The following TNNI3K variants were observed in gnomAD, a reference collection of about 807,000 sequenced individuals.
TNNI3K encodes TNNI3 interacting kinase.
In TNNI3K, 140 loss-of-function variants were observed where a neutral mutation model predicts 114.5. That is an observed-to-expected ratio of 1.22 (90% CI 1.07 to 1.41). TNNI3K has a LOEUF of 1.41. Among genes scored for constraint, TNNI3K ranks in the 40% most tolerant of loss-of-function variants. The probability of loss-of-function intolerance (pLI) is 0.00; values close to 1 mark genes in which losing one functional copy is unlikely to be tolerated. For synonymous variants in TNNI3K, 347 were observed against 347.5 expected, an observed-to-expected ratio of 1.00 and a Z score of 0.02; for missense variants, 1,125 against 1,007.6, an observed-to-expected ratio of 1.12 and a Z score of -1.58.
In TNNI3K at chr1:74,424,034, G is replaced by T. The variant is rs138827378; in HGVS notation, c.1773-12046G>T. 1.6e-4 allele frequency among the ~76,000 whole-genome samples: 24 copies of T among 151,596 alleles called. No homozygotes were observed. The East Asian group carries it at 4.5e-3, about 29-fold the overall frequency. ...CAAGTGGAGATAAGTGCACACTATCGAATTGAGTAATACCTAAAAAGCATA... is the reference window on the plus strand; with the variant it reads ...CAAGTGGAGATAAGTGCACACTATCTAATTGAGTAATACCTAAAAAGCATA... On this transcript the variant is annotated intron_variant, in intron 17 of 24. Coordinates refer to ENST00000326637, the MANE Select transcript of TNNI3K (RefSeq NM_015978.3).
At chr1:74,530,922 C>T (rs1164606591) in intron 23 of TNNI3K, among the ~76,000 whole-genome samples, 2 of 152,000 alleles carry the variant, frequency 1.3e-5, no homozygotes, top group African/African-American at 2.4e-5. Flanking sequence ...ACTGTTGAGC[C>T]TATTAATAAT....
intron 24 of TNNI3K, among the ~76,000 whole-genome samples, chr1:74,542,143 C>A (rs1646734513): frequency 6.6e-6 from 1 of 152,144 alleles, no homozygotes; most frequent in African/African-American, 2.4e-5. Flanking sequence ...ATAATGACAT[C>A]AATAATAAAT....
At chr1:74,470,402 G>C in intron 21 of TNNI3K, 1 of 400,510 alleles carries the variant, frequency 2.5e-6, no homozygotes, top group Non-Finnish European at 4.4e-6. Flanking sequence ...TTTATCTCTA[G>C]TGCTTCAGTG....
At chr1:74,266,650 TAATA>T (rs1308361381) in intron 4 of TNNI3K, among the ~76,000 whole-genome samples, 3 of 152,024 alleles carry the variant, frequency 2.0e-5, no homozygotes, top group Non-Finnish European at 4.4e-5. Context: ...TTTTTTTGTT[TAATA>T]AATAAATTTT....
At chr1:74,429,084 G>T (rs906537323) in intron 17 of TNNI3K, among the ~76,000 whole-genome samples, 1 of 152,066 alleles carries the variant, frequency 6.6e-6, no homozygotes, top group Non-Finnish European at 1.5e-5. Context: ...TGACAGTCCA[G>T]TTACCACATA....
chr1:74,410,478 G>C (rs367758264), intron 17 of TNNI3K, among the ~76,000 whole-genome samples: 7 of 152,252 alleles, frequency 4.6e-5, no homozygotes, highest in African/African-American at 1.7e-4. Context: ...TGTCTCTTGA[G>C]AAATAAGAAG....
intron 5 of TNNI3K, among the ~76,000 whole-genome samples, chr1:74,274,988 C>T (rs1324056541): frequency 2.0e-5 from 3 of 152,030 alleles, no homozygotes; most frequent in African/African-American, 7.2e-5. Flanking sequence ...TCATATGTAT[C>T]ACTTTCACAC....
At chr1:74,296,144 C>G (rs1157027482) in intron 5 of TNNI3K, among the ~76,000 whole-genome samples, 2 of 151,804 alleles carry the variant, frequency 1.3e-5, no homozygotes, top group African/African-American at 4.8e-5. Context: ...GGCGAGGCGG[C>G]GGGCGCCTGT....
chr1:74,276,539 G>A (rs1307607671), intron 5 of TNNI3K, among the ~76,000 whole-genome samples: 1 of 152,062 alleles, frequency 6.6e-6, no homozygotes, highest in African/African-American at 2.4e-5. Flanking sequence ...AACACACATC[G>A]AGTATTTCCT....
At chr1:74,261,046 T>C (rs1376779019) in intron 4 of TNNI3K, among the ~76,000 whole-genome samples, 4 of 152,146 alleles carry the variant, frequency 2.6e-5, no homozygotes, top group Admixed American at 2.6e-4. Context: ...GAAATTGATT[T>C]ATATGAAGCT....
chr1:74,294,858 C>A (rs775658526), intron 5 of TNNI3K, among the ~76,000 whole-genome samples: 1 of 151,746 alleles, frequency 6.6e-6, no homozygotes. Flanking sequence ...GTTATCTTCT[C>A]TATTTTTTTT....
intron 20 of TNNI3K, among the ~76,000 whole-genome samples, chr1:74,458,232 C>G (rs1667308165): frequency 6.6e-6 from 1 of 152,056 alleles, no homozygotes; most frequent in South Asian, 2.1e-4. Flanking sequence ...AGAGGGCAGT[C>G]AAGACTTAAA....
intron 5 of TNNI3K, among the ~76,000 whole-genome samples, chr1:74,314,528 C>T (rs1433195036): frequency 6.6e-6 from 1 of 151,988 alleles, no homozygotes; most frequent in East Asian, 1.9e-4. Flanking sequence ...AAAGTAGAGT[C>T]TCTTGTTTAA....
At chr1:74,401,308 T>A (rs1570575962) in intron 17 of TNNI3K, among the ~76,000 whole-genome samples, 1 of 152,238 alleles carries the variant, frequency 6.6e-6, no homozygotes, top group African/African-American at 2.4e-5. Flanking sequence ...AAGCTTTTTT[T>A]AATGCATTCA....
At chr1:74,318,934 A>G (rs138299150) in intron 5 of TNNI3K, among the ~76,000 whole-genome samples, 33 of 152,350 alleles carry the variant, frequency 2.2e-4, no homozygotes, top group African/African-American at 7.2e-4. Context: ...TGGGTGTTTT[A>G]AATAGTGAAT....
At chr1:74,412,946 A>C (rs1184591417) in intron 17 of TNNI3K, among the ~76,000 whole-genome samples, 1 of 152,138 alleles carries the variant, frequency 6.6e-6, no homozygotes, top group Non-Finnish European at 1.5e-5. Flanking sequence ...CTCTTCTCTA[A>C]ATGTACACCA....
At chr1:74,247,458 C>T (rs1654643654) in intron 2 of TNNI3K, among the ~76,000 whole-genome samples, 2 of 152,142 alleles carry the variant, frequency 1.3e-5, no homozygotes, top group South Asian at 4.1e-4. Flanking sequence ...AACAAAGCTC[C>T]CACGGTATGA....
intron 21 of TNNI3K, among the ~76,000 whole-genome samples, chr1:74,467,065 A>G (rs945430578): frequency 1.3e-5 from 2 of 152,216 alleles, no homozygotes; most frequent in African/African-American, 4.8e-5. Context: ...GGCTTCCCAA[A>G]AAGAGTAACA....
At chr1:74,250,826 T>C in intron 4 of TNNI3K, 57 bp downstream of exon 4, 1 of 1,389,796 alleles carries the variant, frequency 7.2e-7, no homozygotes, top group South Asian at 1.5e-5. Context: ...GTGTGTATCT[T>C]TAGGCTTTTT....
Sources: allele counts gnomAD v4.1 joint callset (sites outside exome capture counted in the v4.1 genomes callset), GRCh38; gene constraint gnomAD v4.1.1; transcripts MANE v1.5; gene names NCBI Gene and HGNC (gene_info 2026-07-23, HGNC 2026-07-21).